The following CADPS variants were observed in gnomAD, a reference collection of about 807,000 sequenced individuals.
CADPS encodes calcium dependent secretion activator.
CADPS carries 57 observed loss-of-function variants against 167.3 expected under a neutral mutation model. The ratio of observed to expected loss-of-function variants is 0.34; its 90% CI spans 0.28 to 0.42. The LOEUF (loss-of-function observed/expected upper bound fraction) is 0.42. CADPS is among the 20% of genes least tolerant of loss of function. CADPS has a pLI of 1.00. For missense variants in CADPS, 1,414 were observed against 1,738.1 expected (o/e 0.81, Z 3.32); for synonymous variants, 676 against 635.3 (o/e 1.06, Z -0.96).
chr3:62,438,006 C>A lies in CADPS; in HGVS notation c.3777+98G>T, dbSNP rs2055501947. The stretch of plus-strand genomic sequence containing the variant: ...GATTTAGTCTGAATCAGAACCAATC[C>A]ATTTTCTCAAAATGTGACTTATCCT... On this transcript the variant is annotated intron_variant, in intron 28 of 29. Coordinates refer to ENST00000383710, the MANE Select transcript of CADPS (RefSeq NM_003716.4). The surrounding 1 kb of genome is among the most constrained non-coding windows in gnomAD (Gnocchi z 4.7). The A allele has an allele frequency of 1.3e-6, 1 of 762,166 alleles. No individual in the cohort carries two copies. The highest frequency in any genetic ancestry group is 2.2e-6 in the Non-Finnish European group (1 of 447,456). 47.2% of individuals were successfully genotyped at this position (762,166 alleles called of 1,614,324 possible).
chr3:62,641,044 C>T (rs1317819883), intron 6 of CADPS, among the ~76,000 whole-genome samples: 1 of 152,022 alleles, frequency 6.6e-6, no homozygotes, highest in Non-Finnish European at 1.5e-5. Flanking sequence ...CCAGGTACCA[C>T]CTGTGCTATT....
chr3:62,760,911 C>A (rs1181057721), intron 2 of CADPS, among the ~76,000 whole-genome samples: 2 of 152,100 alleles, frequency 1.3e-5, no homozygotes, highest in Non-Finnish European at 2.9e-5. Flanking sequence ...TCCAAGAACC[C>A]CTTTCTCATT....
At chr3:62,567,250 G>C (rs1048058744) in intron 9 of CADPS, among the ~76,000 whole-genome samples, 8 of 152,040 alleles carry the variant, frequency 5.3e-5, no homozygotes, top group African/African-American at 1.7e-4. Flanking sequence ...AGAAATCTGA[G>C]AATGGTTGTC....
intron 3 of CADPS, among the ~76,000 whole-genome samples, chr3:62,727,843 C>T (rs766414294): frequency 3.3e-5 from 5 of 151,804 alleles, no homozygotes; most frequent in Non-Finnish European, 4.4e-5. Flanking sequence ...CTCACTTATA[C>T]CCAGAGTGAC....
chr3:62,558,984 T>C (rs967398910), intron 9 of CADPS, among the ~76,000 whole-genome samples: 1 of 151,820 alleles, frequency 6.6e-6, no homozygotes, highest in Non-Finnish European at 1.5e-5. Context: ...GGGCCTGGGG[T>C]CCCATCCCAG....
At chr3:62,752,424 A>T (rs1195342730) in intron 3 of CADPS, among the ~76,000 whole-genome samples, 2 of 152,212 alleles carry the variant, frequency 1.3e-5, no homozygotes, top group Admixed American at 1.3e-4. Context: ...GAAATGCTAA[A>T]CAGACTCTTA....
rs2057266096 is a variant in CADPS, at chr3:62,446,604, GA to G, written c.3637-808del. Among the ~76,000 whole-genome samples the G allele has an allele frequency of 6.6e-6, 1 of 152,162 alleles. No individual in the cohort carries two copies. The highest frequency in any genetic ancestry group is 2.4e-5 in the African/African-American group (1 of 41,432). ...GTAATAGTGCTTATTTCCGCAGGTT[GA>G]TAAGGGTGAATTCACACTTAGCCCC... On this transcript the variant is annotated intron_variant, in intron 26 of 29. Transcript: ENST00000383710. This position sits in a 1 kb window ranked among gnomAD's most constrained non-coding sequence, Gnocchi z 4.9.
intron 28 of CADPS, among the ~76,000 whole-genome samples, chr3:62,417,274 C>CTTT (rs2050267230): frequency 2.2e-5 from 2 of 92,234 alleles, no homozygotes; most frequent in Non-Finnish European, 4.3e-5. Flanking sequence ...TTTTCTTTTA[C>CTTT]TCTTTTTTTT....
intron 26 of CADPS, among the ~76,000 whole-genome samples, chr3:62,450,488 G>A (rs919308420): frequency 2.0e-5 from 3 of 152,214 alleles, no homozygotes; most frequent in African/African-American, 7.2e-5. Flanking sequence ...TGCCCTCAAA[G>A]GGAGGCAAGA....
chr3:62,470,168 C>T (rs1037657873), intron 24 of CADPS, among the ~76,000 whole-genome samples: 2 of 152,138 alleles, frequency 1.3e-5, no homozygotes, highest in Admixed American at 6.5e-5. Context: ...CTATGCTTAA[C>T]AAATGTTTCA....
chr3:62,685,156 A>G (rs1356547802), intron 3 of CADPS, among the ~76,000 whole-genome samples: 1 of 152,080 alleles, frequency 6.6e-6, no homozygotes, highest in Non-Finnish European at 1.5e-5. Context: ...AAAAGCAAAC[A>G]AGGCACAGTG....
At position 62,843,839 on chromosome 3, in the gene CADPS, T is replaced by TA. The variant is rs553066695; in HGVS notation, c.441+30749dup. Among the ~76,000 whole-genome samples the TA allele has an allele frequency of 9.6e-3, 1,392 of 145,710 alleles. 10 individuals are homozygous for TA. The highest frequency in any genetic ancestry group is 0.014 in the Middle Eastern group (4 of 278). ...GAGTAGGACTGAAGTTTTGCCAGCTTAAAAAAAAAAATCAGTAAAAAGAAG... is the reference window on the plus strand; with the variant it reads ...GAGTAGGACTGAAGTTTTGCCAGCTTAAAAAAAAAAAATCAGTAAAAAGAAG... On this transcript the variant is annotated intron_variant, in intron 1 of 29. Coordinates refer to ENST00000383710, the MANE Select transcript of CADPS (RefSeq NM_003716.4).
At chr3:62,787,007 C>T (rs762949962) in intron 1 of CADPS, among the ~76,000 whole-genome samples, 20 of 151,936 alleles carry the variant, frequency 1.3e-4, no homozygotes, top group Non-Finnish European at 2.9e-4. Context: ...TTTTAAAAAA[C>T]CTCAAGCCGG....
chr3:62,721,101 GC>G (rs1173608930), intron 3 of CADPS, among the ~76,000 whole-genome samples: 1 of 145,430 alleles, frequency 6.9e-6, no homozygotes, highest in Non-Finnish European at 1.5e-5. Flanking sequence ...ACAGGTGTGA[GC>G]CACCGTGCCC....
intron 3 of CADPS, among the ~76,000 whole-genome samples, chr3:62,693,566 G>A (rs900706347): frequency 6.6e-6 from 1 of 152,144 alleles, no homozygotes; most frequent in Admixed American, 6.5e-5. Context: ...CGGATCACTT[G>A]AGGTCAGGAG....
intron 9 of CADPS, among the ~76,000 whole-genome samples, chr3:62,561,378 C>T (rs897120475): frequency 2.0e-5 from 3 of 151,738 alleles, no homozygotes; most frequent in Admixed American, 2.0e-4. Flanking sequence ...TCAGCCTCCC[C>T]AGTAGCTGGG....
At chr3:62,636,748 T>C (rs927448288) in intron 6 of CADPS, among the ~76,000 whole-genome samples, 2 of 152,184 alleles carry the variant, frequency 1.3e-5, no homozygotes, top group Non-Finnish European at 2.9e-5. Context: ...GGCTTGTGGA[T>C]ACCCAGGCTG....
rs187914840 is a variant in CADPS, at chr3:62,661,730, G to A, written c.969+584C>T. 8.5e-5 allele frequency among the ~76,000 whole-genome samples: 13 copies of A among 152,200 alleles called. No individual in the cohort carries two copies. In the East Asian group the frequency reaches 2.5e-3, roughly 30 times the overall value. ...TGCAGCCAGGGATACCCATTGGGAG[G>A]CTATTGTAACATCCAGGTGCTGAAG... On this transcript the variant is annotated intron_variant, in intron 4 of 29. Coordinates refer to ENST00000383710, the MANE Select transcript of CADPS (RefSeq NM_003716.4).
chr3:62,819,324 T>G (rs1464564528), intron 1 of CADPS, among the ~76,000 whole-genome samples: 1 of 151,980 alleles, frequency 6.6e-6, no homozygotes, highest in Non-Finnish European at 1.5e-5. Context: ...TTTGCTACAA[T>G]CCCAAGGTTT....
Sources: allele counts gnomAD v4.1 joint callset (sites outside exome capture counted in the v4.1 genomes callset), GRCh38; gene constraint gnomAD v4.1.1; non-coding constraint Gnocchi (gnomAD v3.1); transcripts MANE v1.5; gene names NCBI Gene and HGNC (gene_info 2026-07-23, HGNC 2026-07-21).